The following COL4A3 variants were observed in gnomAD, a reference collection of about 807,000 sequenced individuals.
COL4A3 encodes collagen alpha-3(IV) chain.
A neutral mutation model predicts 217.4 loss-of-function variants in COL4A3; 135 were observed. That is an observed-to-expected ratio of 0.62 (90% CI 0.54 to 0.72). The LOEUF (loss-of-function observed/expected upper bound fraction) is 0.72. COL4A3 is among the 30% of genes least tolerant of loss of function. The probability of loss-of-function intolerance (pLI) is 0.00; values close to 1 mark genes in which losing one functional copy is unlikely to be tolerated. For synonymous variants in COL4A3, 690 were observed against 736.3 expected (o/e 0.94, Z 1.02); for missense variants, 1,868 against 2,119.9 (o/e 0.88, Z 2.33).
At chr2:227,245,930 C>T (rs772238189) in intron 5 of COL4A3, 24 bp from the exon 6 acceptor site, 1 of 1,603,678 alleles carries the variant, frequency 6.2e-7, no homozygotes, top group East Asian at 2.2e-5. Context: ...TGACCCTCCT[C>T]ATTGAGACTT....
At chr2:227,222,168 T>A (rs745529893) in intron 1 of COL4A3, among the ~76,000 whole-genome samples, 2 of 61,534 alleles carry the variant, frequency 3.3e-5, no homozygotes, top group African/African-American at 7.0e-5. Flanking sequence ...ATAATAATGA[T>A]AATGATAATA....
chr2:227,208,027 C>A (rs1230733421), intron 1 of COL4A3, among the ~76,000 whole-genome samples: 1 of 150,810 alleles, frequency 6.6e-6, no homozygotes, highest in African/African-American at 2.4e-5. Context: ...CGCCCCCCCA[C>A]ACACACGAAA....
At chr2:227,220,574 C>T (rs1011863042) in intron 1 of COL4A3, among the ~76,000 whole-genome samples, 1 of 152,168 alleles carries the variant, frequency 6.6e-6, no homozygotes, top group Non-Finnish European at 1.5e-5. Flanking sequence ...ATCCTCCCAC[C>T]TCAGCCTCTG....
At chr2:227,291,285 C>T (rs1306976348) in intron 37 of COL4A3, among the ~76,000 whole-genome samples, 1 of 152,094 alleles carries the variant, frequency 6.6e-6, no homozygotes, top group East Asian at 1.9e-4. Flanking sequence ...ACTTGTCGGC[C>T]GGGCGCGGTG....
chr2:227,168,451 T>C (rs2065354555), intron 1 of COL4A3, among the ~76,000 whole-genome samples: 1 of 152,096 alleles, frequency 6.6e-6, no homozygotes, highest in Non-Finnish European at 1.5e-5. Context: ...AACTGCATAG[T>C]GCAACTTTCT....
At chr2:227,201,806 G>T (rs1574547164) in intron 1 of COL4A3, among the ~76,000 whole-genome samples, 1 of 152,144 alleles carries the variant, frequency 6.6e-6, no homozygotes, top group Non-Finnish European at 1.5e-5. Flanking sequence ...TTGTCTATTG[G>T]AAATGGATAG....
chr2:227,173,630 C>A (rs112257484), intron 1 of COL4A3, among the ~76,000 whole-genome samples: 7,530 of 152,138 alleles, frequency 0.049, 230 homozygotes, highest in Admixed American at 0.087. Context: ...ATAATGTGAG[C>A]CATGACTACA....
chr2:227,290,712 A>T, intron 36 of COL4A3, 35 bp from the exon 37 acceptor site: 2 of 1,603,444 alleles, frequency 1.2e-6, no homozygotes, highest in Non-Finnish European at 1.7e-6. Context: ...CCTCATGTTT[A>T]TCTATTTTAC....
chr2:227,271,452 C>A (rs1454349164), intron 25 of COL4A3, among the ~76,000 whole-genome samples: 1 of 147,834 alleles, frequency 6.8e-6, no homozygotes, highest in Non-Finnish European at 1.5e-5. Context: ...TGAGGTAATA[C>A]CTACCAAGAT....
intron 26 of COL4A3, among the ~76,000 whole-genome samples, chr2:227,273,806 G>A (rs2071385844): frequency 6.6e-6 from 1 of 152,168 alleles, no homozygotes; most frequent in African/African-American, 2.4e-5. Context: ...TCTGATAATA[G>A]TTTAAAAGTC....
At chr2:227,283,673 C>T (rs2072129460) in intron 32 of COL4A3, 94 bp from the exon 33 acceptor site, 1 of 1,089,702 alleles carries the variant, frequency 9.2e-7, no homozygotes, top group African/African-American at 1.6e-5. Context: ...CTCCCAATCT[C>T]TGCTTCTAAG....
At chr2:227,202,608 A>T (rs1460645629) in intron 1 of COL4A3, among the ~76,000 whole-genome samples, 3 of 150,910 alleles carry the variant, frequency 2.0e-5, no homozygotes, top group Non-Finnish European at 1.5e-5. Context: ...GGTGGCGGGC[A>T]CCTGTAGTCC....
rs1248193835 is a variant in COL4A3 at position 227,248,406 on chromosome 2, A to G, written c.469-37A>G. 5 of 1,291,506 alleles carry G rather than the reference A, an allele frequency of 3.9e-6. 1 individual carries two copies. In the South Asian group the frequency reaches 5.9e-5, roughly 15 times the overall value. 80.0% of individuals were successfully genotyped at this position (1,291,506 alleles called of 1,614,324 possible). A position where few individuals can be genotyped will look rare whatever the true frequency, so the allele number is the denominator to read the frequency against. On this transcript the variant is annotated intron_variant, in intron 8 of 51. Coordinates refer to ENST00000396578, the MANE Select transcript of COL4A3 (RefSeq NM_000091.5). ...CACTTGAAGGGGTTTTGAAAATATA[A>G]CATTGATGATGTTTGATGAACTTCT...
intron 34 of COL4A3, among the ~76,000 whole-genome samples, chr2:227,285,269 G>A (rs1474592175): frequency 3.1e-5 from 2 of 63,976 alleles, no homozygotes; most frequent in Admixed American, 2.2e-4. Context: ...CACATGTACT[G>A]CCAAACCTAA....
intron 37 of COL4A3, among the ~76,000 whole-genome samples, chr2:227,292,703 T>A (rs1402037601): frequency 2.0e-5 from 3 of 152,238 alleles, no homozygotes; most frequent in Admixed American, 6.5e-5. Flanking sequence ...AGGATACATC[T>A]TTATTTAGTC....
chr2:227,309,357 A>C, intron 50 of COL4A3, 39 bp downstream of exon 50: 1 of 1,469,186 alleles, frequency 6.8e-7, no homozygotes, highest in Non-Finnish European at 9.5e-7. Flanking sequence ...GGTAAAGACT[A>C]CCTGTAGAAT....
chr2:227,282,558 T>C lies in COL4A3; in HGVS notation c.2656+26T>C. The C allele has an allele frequency of 2.5e-6, 4 of 1,601,584 alleles. No homozygotes were observed. Among genetic ancestry groups the C allele is most frequent in the Non-Finnish European group, 3.4e-6 (4 of 1,169,492 alleles). ...GTATCCTTTTGTGTGTTTCTATTTT[T>C]CTTCTTATTTCTTCTTCTTCTTAAG... On this transcript the variant is annotated intron_variant, in intron 32 of 51. Coordinates refer to ENST00000396578, the MANE Select transcript of COL4A3 (RefSeq NM_000091.5). This position sits in a 1 kb window ranked among gnomAD's most constrained non-coding sequence, Gnocchi z 4.4.
intron 1 of COL4A3, among the ~76,000 whole-genome samples, chr2:227,215,804 T>C (rs2067508996): frequency 6.6e-6 from 1 of 152,182 alleles, no homozygotes; most frequent in Admixed American, 6.6e-5. Flanking sequence ...CAGTTTTCCC[T>C]AGCATCATAG....
chr2:227,239,326 A>G (rs1375238961), intron 2 of COL4A3, among the ~76,000 whole-genome samples: 1 of 152,230 alleles, frequency 6.6e-6, no homozygotes, highest in Non-Finnish European at 1.5e-5. Flanking sequence ...TTTAAGGTAT[A>G]TGGAAGGATG....
Sources: gnomAD v4.1 joint callset for allele counts (sites outside exome capture counted in the v4.1 genomes callset) on GRCh38, gnomAD v4.1.1 for gene constraint, Gnocchi (gnomAD v3.1) non-coding constraint, MANE v1.5 for transcripts, NCBI Gene and HGNC (gene_info 2026-07-23, HGNC 2026-07-21) for gene names.